SHANK2: variants seen among roughly 807,000 people sequenced by gnomAD.
SHANK2 encodes the protein SH3 and multiple ankyrin repeat domains protein 2.
SHANK2 carries 43 observed loss-of-function variants against 133.7 expected under a neutral mutation model. The ratio of observed to expected loss-of-function variants is 0.32; its 90% CI spans 0.25 to 0.41. The LOEUF (loss-of-function observed/expected upper bound fraction) is 0.41, where lower values mean the gene tolerates loss of function less well. Among genes scored for constraint, SHANK2 ranks in the 10% least tolerant of loss-of-function variants. SHANK2 has a pLI of 1.00. For synonymous variants in SHANK2, 1,017 were observed against 952.8 expected (o/e 1.07, Z -1.24); for missense variants, 1,994 against 2,235.8 (o/e 0.89, Z 2.18).
At chr11:70,513,677 G>T (rs577888080) in intron 17 of SHANK2, among the ~76,000 whole-genome samples, 1 of 152,162 alleles carries the variant, frequency 6.6e-6, no homozygotes, top group African/African-American at 2.4e-5. Context: ...ATGAATAAAA[G>T]ACAGGAAATC....
At chr11:70,764,670 C>T (rs1360312524) in intron 14 of SHANK2, among the ~76,000 whole-genome samples, 1 of 151,802 alleles carries the variant, frequency 6.6e-6, no homozygotes, top group Non-Finnish European at 1.5e-5. Flanking sequence ...CTCATGCATC[C>T]ACACGTGCAT....
At chr11:70,567,398 G>A (rs1294941430) in intron 17 of SHANK2, among the ~76,000 whole-genome samples, 1 of 152,158 alleles carries the variant, frequency 6.6e-6, no homozygotes, top group Non-Finnish European at 1.5e-5. Flanking sequence ...GGAGGCCGAG[G>A]TGGGTGGATC....
chr11:71,202,821 T>C (rs1215387345), intron 2 of SHANK2, among the ~76,000 whole-genome samples: 1 of 152,160 alleles, frequency 6.6e-6, no homozygotes, highest in Non-Finnish European at 1.5e-5. Flanking sequence ...CCTGCCCTGG[T>C]TAAGTCAATG....
In SHANK2 at chr11:70,781,591, T is replaced by C. The variant is rs1326830379; in HGVS notation, c.1777+16852A>G. Among the ~76,000 whole-genome samples, 842 of 132,670 alleles carry C rather than the reference T, an allele frequency of 6.3e-3. 12 individuals are homozygous for C. Among genetic ancestry groups the C allele is most frequent in the African/African-American group, 0.023 (804 of 34,392 alleles). The allele number at this position is 132,670 out of a possible 152,430, so 87.0% of individuals were successfully genotyped here. On this transcript the variant is annotated intron_variant, in intron 14 of 25. Coordinates refer to ENST00000601538, the MANE Select transcript of SHANK2 (RefSeq NM_012309.5). ...ATATATATATATATATATTTACTTA[T>C]TTATTTATTATACTTTAAGCTCTAG... is the stretch of plus-strand genomic sequence containing the variant.
intron 2 of SHANK2, among the ~76,000 whole-genome samples, chr11:71,199,655 T>C (rs7942557): frequency 0.071 from 10,807 of 152,258 alleles, 1,083 homozygotes; most frequent in African/African-American, 0.22. Flanking sequence ...CCACTGCCCC[T>C]AGGACCTGAG....
intron 17 of SHANK2, among the ~76,000 whole-genome samples, chr11:70,626,199 T>A (rs1554999904): frequency 6.6e-6 from 1 of 152,186 alleles, no homozygotes; most frequent in Non-Finnish European, 1.5e-5. Context: ...GGAAGACATG[T>A]TTTCTGGTCC....
chr11:71,163,526 T>C (rs1953071587), intron 2 of SHANK2, among the ~76,000 whole-genome samples: 1 of 152,158 alleles, frequency 6.6e-6, no homozygotes, highest in Non-Finnish European at 1.5e-5. Context: ...GCCTACATTT[T>C]AGTATCTCTT....
At chr11:71,088,818 C>T (rs1045778251) in intron 8 of SHANK2, among the ~76,000 whole-genome samples, 2 of 149,424 alleles carry the variant, frequency 1.3e-5, no homozygotes, top group Admixed American at 1.3e-4. Flanking sequence ...GGCTGCCCCT[C>T]GTCCTGAACT....
Position 70,521,148 on chromosome 11 carries a change from A to G in SHANK2, c.2062-18217T>C, listed in dbSNP as rs543558577. ...AGAAATTTAGGATGATGCTGTTTTT[A>G]CTTATTTTCTTTTATATTGGTGTCT... On this transcript the variant is annotated intron_variant, in intron 17 of 25. Transcript: ENST00000601538. Among the ~76,000 whole-genome samples, 60 of 152,292 alleles carry G rather than the reference A, an allele frequency of 3.9e-4. 2 individuals carry two copies. The highest frequency in any genetic ancestry group is 9.1e-4 in the Admixed American group (14 of 15,308).
At chr11:70,598,092 A>G (rs1554989940) in intron 17 of SHANK2, among the ~76,000 whole-genome samples, 1 of 152,094 alleles carries the variant, frequency 6.6e-6, no homozygotes, top group African/African-American at 2.4e-5. Flanking sequence ...GGGCTGCAGA[A>G]CTCTGGCCAT....
chr11:71,070,754 T>C lies in SHANK2; in HGVS notation c.1029+4405A>G, dbSNP rs974400058. On this transcript the variant is annotated intron_variant, in intron 9 of 25. Transcript: ENST00000601538. ...GTCTATGGCTGCTTTTGCACTACAG[T>C]GGCAGTTGAATCGTTATGACGGAGT... Among the ~76,000 whole-genome samples, 63 of 152,394 alleles carry C rather than the reference T, an allele frequency of 4.1e-4. 2 individuals are homozygous for C. Among genetic ancestry groups the C allele is most frequent in the Admixed American group, 2.6e-3 (40 of 15,312 alleles).
intron 2 of SHANK2, among the ~76,000 whole-genome samples, chr11:71,186,019 T>A (rs1459582691): frequency 6.6e-6 from 1 of 152,168 alleles, no homozygotes; most frequent in African/African-American, 2.4e-5. Context: ...GGCTGCTGGG[T>A]CTAGCATTCT....
chr11:70,849,808 C>T (rs77939316), intron 11 of SHANK2, among the ~76,000 whole-genome samples: 8,346 of 152,134 alleles, frequency 0.055, 443 homozygotes, highest in East Asian at 0.16. Context: ...CCTACGTTAT[C>T]TCTTTTTTTA....
At chr11:70,948,059 G>A (rs1167420351) in intron 10 of SHANK2, among the ~76,000 whole-genome samples, 7 of 151,800 alleles carry the variant, frequency 4.6e-5, no homozygotes, top group Non-Finnish European at 7.4e-5. Flanking sequence ...GCCTTTGCAC[G>A]TGTCAGCCCC....
chr11:70,500,675 C>A lies in SHANK2; in HGVS notation c.2288-85G>T. Reference sequence around the variant, plus strand: ...ACACTCGGGCCTTGTCAGCTCAGGGCGCCTCAGGAGCAGGCTGGGCCGGCA... The same window carrying A: ...ACACTCGGGCCTTGTCAGCTCAGGGAGCCTCAGGAGCAGGCTGGGCCGGCA... On this transcript the variant is annotated intron_variant, in intron 20 of 25. Transcript: ENST00000601538. The surrounding 1 kb of genome is among the most constrained non-coding windows in gnomAD (Gnocchi z 4.5). 6.5e-7 allele frequency: 1 copy of A among 1,546,904 alleles called. No individual in the cohort carries two copies. Among genetic ancestry groups the A allele is most frequent in the Non-Finnish European group, 8.8e-7 (1 of 1,140,660 alleles).
intron 11 of SHANK2, chr11:70,895,650 GCTCT>G (rs1260552675): frequency 5.2e-5 from 8 of 152,480 alleles, no homozygotes; most frequent in African/African-American, 1.7e-4. Context: ...GATGCCACTG[GCTCT>G]CTCTCCACCC....
At chr11:70,741,063 T>A (rs1431730267) in intron 14 of SHANK2, among the ~76,000 whole-genome samples, 1 of 152,192 alleles carries the variant, frequency 6.6e-6, no homozygotes, top group Admixed American at 6.5e-5. Context: ...TATCCATCCA[T>A]CCAATCATCC....
intron 14 of SHANK2, among the ~76,000 whole-genome samples, chr11:70,773,306 C>G (rs1947293126): frequency 6.6e-6 from 1 of 152,156 alleles, no homozygotes; most frequent in Admixed American, 6.5e-5. Flanking sequence ...GTTCCTGAAG[C>G]GTTATTCACA....
chr11:71,091,564 TC>T (rs1172899632), intron 8 of SHANK2, among the ~76,000 whole-genome samples: 2 of 152,064 alleles, frequency 1.3e-5, no homozygotes, highest in African/African-American at 4.8e-5. Flanking sequence ...CCTCTTGACC[TC>T]CTAGGTAGAC....
Sources: allele counts gnomAD v4.1 joint callset (sites outside exome capture counted in the v4.1 genomes callset), GRCh38; gene constraint gnomAD v4.1.1; non-coding constraint Gnocchi (gnomAD v3.1); transcripts MANE v1.5; gene names NCBI Gene and HGNC (gene_info 2026-07-23, HGNC 2026-07-21).